ARHGEF16: variants seen among roughly 807,000 people sequenced by gnomAD.
ARHGEF16 encodes Rho guanine nucleotide exchange factor 16.
ARHGEF16 carries 59 observed loss-of-function variants against 74.1 expected under a neutral mutation model. That is an observed-to-expected ratio of 0.80 (90% CI 0.65 to 0.99). ARHGEF16 has a LOEUF of 0.99. Ranked by LOEUF, ARHGEF16 falls within the 50% of genes least tolerant of loss-of-function variation. ARHGEF16 has a pLI of 0.00. For synonymous variants in ARHGEF16, 415 were observed against 412.6 expected, an observed-to-expected ratio of 1.01 and a Z score of -0.07; for missense variants, 948 against 986.6, an observed-to-expected ratio of 0.96 and a Z score of 0.52.
chr1:3,472,086 C>T lies in ARHGEF16; in HGVS notation c.1023-992C>T, dbSNP rs543748450. On this transcript the variant is annotated intron_variant, in intron 6 of 14. Coordinates refer to ENST00000378378, the MANE Select transcript of ARHGEF16 (RefSeq NM_014448.4). Reference sequence around the variant, plus strand: ...GAGCAGAGGAGGAGGGACTCCCGCCCACCTCCACGCTGGGTAAGGGAGTCC... The same window carrying T: ...GAGCAGAGGAGGAGGGACTCCCGCCTACCTCCACGCTGGGTAAGGGAGTCC... Among the ~76,000 whole-genome samples the T allele has an allele frequency of 2.0e-5, 3 of 152,334 alleles. No individual in the cohort carries two copies. In the South Asian group the frequency reaches 6.2e-4, roughly 32 times the overall value.
At chr1:3,479,090 G>C (rs1205144793) in intron 12 of ARHGEF16, among the ~76,000 whole-genome samples, 1 of 152,208 alleles carries the variant, frequency 6.6e-6, no homozygotes, top group Non-Finnish European at 1.5e-5. Flanking sequence ...GAATGGGAGG[G>C]GGCACTGATG....
intron 1 of ARHGEF16, among the ~76,000 whole-genome samples, chr1:3,460,107 G>A (rs1044589621): frequency 6.6e-6 from 1 of 152,168 alleles, no homozygotes; most frequent in Admixed American, 6.5e-5. Flanking sequence ...CACAGCTCCC[G>A]AGAGCCGGCT....
At chr1:3,461,644 C>G (rs1190348582) in intron 1 of ARHGEF16, among the ~76,000 whole-genome samples, 1 of 152,206 alleles carries the variant, frequency 6.6e-6, no homozygotes, top group Admixed American at 6.5e-5. Flanking sequence ...TGGGCCTGAC[C>G]GCTGTGGCCG....
At chr1:3,474,036 C>T (rs538639460) in intron 8 of ARHGEF16, 73 of 198,660 alleles carry the variant, frequency 3.7e-4, no homozygotes, top group African/African-American at 1.6e-3. Context: ...ACAGTGTACA[C>T]GCACTCAGGC....
chr1:3,474,539 G>T, intron 8 of ARHGEF16, 169 bp from the exon 9 acceptor site: 1 of 623,356 alleles, frequency 1.6e-6, no homozygotes, highest in Non-Finnish European at 2.9e-6. Context: ...AGAGCTCCAG[G>T]TGGTGCAGAG....
intron 1 of ARHGEF16, among the ~76,000 whole-genome samples, chr1:3,459,733 A>G (rs1436517211): frequency 8.5e-5 from 13 of 152,346 alleles, no homozygotes; most frequent in African/African-American, 2.9e-4. Flanking sequence ...TGGGGAAACC[A>G]GGCTGGTCAA....
intron 1 of ARHGEF16, 122 bp downstream of exon 1, chr1:3,454,933 C>A (rs1639231001): frequency 6.6e-6 from 1 of 152,136 alleles, no homozygotes; most frequent in South Asian, 2.1e-4. Context: ...CCTCGCTTTT[C>A]CCGCAAGCCC....
intron 6 of ARHGEF16, among the ~76,000 whole-genome samples, chr1:3,472,447 C>CT (rs1275915841): frequency 3.3e-5 from 5 of 152,238 alleles, no homozygotes; most frequent in Admixed American, 2.6e-4. Context: ...CTGGCCCCCC[C>CT]CCGGCCTTGA....
intron 1 of ARHGEF16, among the ~76,000 whole-genome samples, chr1:3,456,914 C>T (rs1639278186): frequency 6.6e-6 from 1 of 152,174 alleles, no homozygotes; most frequent in African/African-American, 2.4e-5. Flanking sequence ...AGGTGCACTT[C>T]CCCGCCCCCA....
intron 4 of ARHGEF16, 95 bp downstream of exon 4, chr1:3,467,432 C>A: frequency 7.2e-7 from 1 of 1,383,174 alleles, no homozygotes. Context: ...GGCTGGTCCC[C>A]AGCAGCAGCC....
intron 1 of ARHGEF16, among the ~76,000 whole-genome samples, chr1:3,459,873 G>A (rs1002919280): frequency 6.6e-6 from 1 of 152,118 alleles, no homozygotes; most frequent in Non-Finnish European, 1.5e-5. Context: ...GGAGGGGGTA[G>A]GAATGCCCAT....
chr1:3,463,371 C>G lies in ARHGEF16; in HGVS notation c.287C>G (p.Ala96Gly). 1.9e-6 allele frequency: 3 copies of G among 1,550,204 alleles called. No individual in the cohort carries two copies. The highest frequency in any genetic ancestry group is 2.6e-6 in the Non-Finnish European group (3 of 1,146,898). The change falls in exon 2 of 15, where the codon GCC (alanine) becomes GGC (glycine). Residue 96 changes from alanine (A) to glycine (G), a missense_variant. Transcript: ENST00000378378. Reference protein sequence around the residue: ...QQLIPKSLAVASKAKTPARHQ... With the variant: ...QQLIPKSLAVGSKAKTPARHQ... ...CTGATCCCTAAGAGCCTGGCTGTGGCCAGCAAGGCAAAGACCCCAGCCCGC... is the reference window on the plus strand; with the variant it reads ...CTGATCCCTAAGAGCCTGGCTGTGGGCAGCAAGGCAAAGACCCCAGCCCGC...
At chr1:3,462,266 G>C (rs990819964) in intron 1 of ARHGEF16, among the ~76,000 whole-genome samples, 1 of 152,204 alleles carries the variant, frequency 6.6e-6, no homozygotes, top group East Asian at 1.9e-4. Flanking sequence ...CTGGTGACTG[G>C]TGGGGCTCCT....
Position 3,473,243 on chromosome 1 carries a change from C to T in ARHGEF16, c.1175+13C>T. On this transcript the variant is annotated intron_variant, in intron 7 of 14. Coordinates refer to ENST00000378378, the MANE Select transcript of ARHGEF16 (RefSeq NM_014448.4). Reference sequence around the variant, plus strand: ...TGCAGAAGCTGATGTGAGTGGGCGGCCCCGAGGCCCGCAGGGTGGCTCAGG... The same window carrying T: ...TGCAGAAGCTGATGTGAGTGGGCGGTCCCGAGGCCCGCAGGGTGGCTCAGG... 1 of 1,611,498 alleles carries T rather than the reference C, an allele frequency of 6.2e-7. No homozygotes were observed. The highest frequency in any genetic ancestry group is 1.1e-5 in the South Asian group (1 of 90,854).
intron 13 of ARHGEF16, 108 bp downstream of exon 13, chr1:3,479,698 C>A: frequency 6.4e-7 from 1 of 1,555,188 alleles, no homozygotes. Flanking sequence ...TGGGGCCTGG[C>A]AGTCGGGGGA....
chr1:3,470,328 G>T (rs1175299461), intron 6 of ARHGEF16, among the ~76,000 whole-genome samples: 1 of 151,482 alleles, frequency 6.6e-6, no homozygotes, highest in Non-Finnish European at 1.5e-5. Flanking sequence ...GTCTGCACGG[G>T]TGTGTGTGGA....
intron 12 of ARHGEF16, 35 bp from the exon 13 acceptor site, chr1:3,479,482 C>G: frequency 6.2e-7 from 1 of 1,609,844 alleles, no homozygotes; most frequent in South Asian, 1.1e-5. Flanking sequence ...CAGGATCGGT[C>G]TCCAGGCCTG....
intron 1 of ARHGEF16, among the ~76,000 whole-genome samples, chr1:3,462,148 A>T (rs1321690670): frequency 6.6e-6 from 1 of 151,958 alleles, no homozygotes; most frequent in Non-Finnish European, 1.5e-5. Context: ...AGAGATGTCT[A>T]CAGGGCAGCT....
At chr1:3,461,773 C>T (rs1268532985) in intron 1 of ARHGEF16, among the ~76,000 whole-genome samples, 6 of 152,222 alleles carry the variant, frequency 3.9e-5, no homozygotes, top group Admixed American at 2.0e-4. Context: ...CTGCACATCT[C>T]GGTCACACGG....
Sources: gnomAD v4.1 joint callset for allele counts (sites outside exome capture counted in the v4.1 genomes callset) on GRCh38, gnomAD v4.1.1 for gene constraint, MANE v1.5 for transcripts, NCBI Gene and HGNC (gene_info 2026-07-23, HGNC 2026-07-21) for gene names.